The following IKZF2 variants were observed in gnomAD, a reference collection of about 807,000 sequenced individuals.
The protein encoded by IKZF2 is IKAROS family zinc finger 2.
In IKZF2, 15 loss-of-function variants were observed where a neutral mutation model predicts 49.2. The ratio of observed to expected loss-of-function variants is 0.30; its 90% CI spans 0.20 to 0.47. The LOEUF is 0.47. Ranked by LOEUF, IKZF2 falls within the 20% of genes least tolerant of loss-of-function variation. The pLI is 1.00. For missense variants in IKZF2, 567 were observed against 664.6 expected (o/e 0.85, Z 1.61); for synonymous variants, 227 against 221.4 (o/e 1.03, Z -0.23).
At chr2:213,027,282 A>G (rs1314295205) in intron 6 of IKZF2, among the ~76,000 whole-genome samples, 1 of 152,168 alleles carries the variant, frequency 6.6e-6, no homozygotes, top group Admixed American at 6.6e-5. Context: ...TAGTATAGAA[A>G]TGGAAATTTC....
chr2:213,054,385 T>G (rs928758239), intron 5 of IKZF2, among the ~76,000 whole-genome samples: 1 of 152,150 alleles, frequency 6.6e-6, no homozygotes, highest in Non-Finnish European at 1.5e-5. Flanking sequence ...AAATGCAGAC[T>G]AGTTCATGGT....
chr2:213,083,551 C>CTTTTTTT (rs35297007), intron 4 of IKZF2, among the ~76,000 whole-genome samples: 57 of 93,908 alleles, frequency 6.1e-4, no homozygotes, highest in African/African-American at 1.8e-3. Flanking sequence ...ACCAGGCTAA[C>CTTTTTTT]TTTTTTTTTT....
At chr2:213,093,326 G>A (rs1197472842) in intron 4 of IKZF2, among the ~76,000 whole-genome samples, 1 of 151,998 alleles carries the variant, frequency 6.6e-6, no homozygotes, top group East Asian at 1.9e-4. Context: ...TCCATAGCAG[G>A]CTCACAGGCC....
At chr2:213,074,462 A>C (rs564767338) in intron 4 of IKZF2, among the ~76,000 whole-genome samples, 2 of 152,282 alleles carry the variant, frequency 1.3e-5, no homozygotes, top group South Asian at 4.1e-4. Context: ...CCTATTTATA[A>C]TATTATGGCA....
At position 213,008,097 on chromosome 2, in the gene IKZF2, G is replaced by C; in HGVS notation, c.857-13C>G. 5.8e-6 allele frequency: 9 copies of C among 1,552,712 alleles called. No individual in the cohort carries two copies. Among genetic ancestry groups the C allele is most frequent in the Non-Finnish European group, 7.8e-6 (9 of 1,154,482 alleles). On this transcript the variant is annotated splice_polypyrimidine_tract_variant and intron_variant, in intron 8 of 8. Transcript: ENST00000434687. Reference sequence around the variant, plus strand: ...ATGAGCTTTTCCCCTGGAAGGGAGTGGGAGGTGAAAGAAGTAAAAAAAAAA... The same window carrying C: ...ATGAGCTTTTCCCCTGGAAGGGAGTCGGAGGTGAAAGAAGTAAAAAAAAAA...
rs866682812 is a variant in IKZF2, at chr2:213,027,860, G to A, written c.575-5730C>T. Among the ~76,000 whole-genome samples, 7 of 152,086 alleles carry A rather than the reference G, an allele frequency of 4.6e-5. No homozygotes were observed. The South Asian group carries it at 6.2e-4, about 14-fold the overall frequency. ...TGTTCTGAAATTCTGAAATATGAGC[G>A]TATGTCTCTGGTCTAAAGTCTCTAA... On this transcript the variant is annotated intron_variant, in intron 6 of 8. Coordinates refer to ENST00000434687, the MANE Select transcript of IKZF2 (RefSeq NM_001387220.1).
chr2:213,123,469 G>A (rs547168123), intron 4 of IKZF2, among the ~76,000 whole-genome samples: 5 of 151,936 alleles, frequency 3.3e-5, no homozygotes, highest in African/African-American at 7.3e-5. Flanking sequence ...TTGAATTGTC[G>A]AATAAAAGAC....
chr2:213,025,923 T>C (rs1697767878), intron 6 of IKZF2, among the ~76,000 whole-genome samples: 1 of 152,110 alleles, frequency 6.6e-6, no homozygotes, highest in African/African-American at 2.4e-5. Flanking sequence ...TTCTTTTCAT[T>C]CTCACAATCA....
intron 5 of IKZF2, among the ~76,000 whole-genome samples, chr2:213,050,903 A>G (rs959613633): frequency 5.3e-5 from 8 of 152,110 alleles, no homozygotes; most frequent in African/African-American, 1.9e-4. Flanking sequence ...AAATTCAAAT[A>G]TAAGTAAACA....
At chr2:213,140,904 C>A (rs954002372) in intron 4 of IKZF2, among the ~76,000 whole-genome samples, 13 of 151,918 alleles carry the variant, frequency 8.6e-5, no homozygotes, top group African/African-American at 3.1e-4. Context: ...AGAAAAGTAA[C>A]CAAACCATGG....
chr2:213,012,363 T>G (rs1696058524), intron 8 of IKZF2, among the ~76,000 whole-genome samples: 1 of 151,306 alleles, frequency 6.6e-6, no homozygotes, highest in Non-Finnish European at 1.5e-5. Flanking sequence ...TTACAAAGAG[T>G]AGACTATATA....
Position 213,007,115 on chromosome 2 carries a change from C to A in IKZF2, c.*245G>T. The A allele has an allele frequency of 2.5e-6, 1 of 395,146 alleles. No homozygotes were observed. The highest frequency in any genetic ancestry group is 4.5e-6 in the Non-Finnish European group (1 of 222,924). The allele number at this position is 395,146 out of a possible 1,614,324, so 24.5% of individuals were successfully genotyped here. On this transcript the variant is annotated 3_prime_UTR_variant, in exon 9 of 9. Transcript: ENST00000434687. ...GTAGAAATGGACTGCTCTTAAATTCCCACAAAATAAACAAGCCAGGTGATA... is the reference window on the plus strand; with the variant it reads ...GTAGAAATGGACTGCTCTTAAATTCACACAAAATAAACAAGCCAGGTGATA...
In IKZF2 at chr2:213,001,863, T is replaced by C. The variant is rs1694933678; in HGVS notation, c.*5497A>G. ...TGTAAAAAATTTTTAAATCACAGTTTCAGAATTTGAACTACTTAAAAAAAA... is the reference window on the plus strand; with the variant it reads ...TGTAAAAAATTTTTAAATCACAGTTCCAGAATTTGAACTACTTAAAAAAAA... On this transcript the variant is annotated 3_prime_UTR_variant, in exon 9 of 9. Coordinates refer to ENST00000434687, the MANE Select transcript of IKZF2 (RefSeq NM_001387220.1). 6.6e-6 allele frequency: 1 copy of C among 151,958 alleles called. No individual in the cohort carries two copies. Among genetic ancestry groups the C allele is most frequent in the East Asian group, 1.9e-4 (1 of 5,162 alleles). 9.4% of individuals were successfully genotyped at this position (151,958 alleles called of 1,614,324 possible).
intron 5 of IKZF2, among the ~76,000 whole-genome samples, chr2:213,052,094 C>T (rs1049472520): frequency 2.6e-5 from 4 of 151,914 alleles, no homozygotes; most frequent in East Asian, 3.9e-4. Context: ...GAGTTTTATG[C>T]GATTAATGAA....
At chr2:213,055,242 AT>A (rs1174228024) in intron 5 of IKZF2, among the ~76,000 whole-genome samples, 1 of 152,072 alleles carries the variant, frequency 6.6e-6, no homozygotes, top group East Asian at 1.9e-4. Context: ...TGAATATATT[AT>A]AACTTTGTGG....
At chr2:213,075,687 G>C (rs1291836103) in intron 4 of IKZF2, among the ~76,000 whole-genome samples, 1 of 152,024 alleles carries the variant, frequency 6.6e-6, no homozygotes, top group Non-Finnish European at 1.5e-5. Context: ...TTCATTAATT[G>C]ATATATACTG....
In IKZF2 at chr2:213,088,378, T is replaced by C. The variant is rs186556298; in HGVS notation, c.140-31279A>G. Among the ~76,000 whole-genome samples, 394 of 152,324 alleles carry C rather than the reference T, an allele frequency of 2.6e-3. 1 individual carries two copies. Among genetic ancestry groups the C allele is most frequent in the African/African-American group, 9.0e-3 (375 of 41,574 alleles). On this transcript the variant is annotated intron_variant, in intron 4 of 8. Transcript: ENST00000434687. ...GTTTGATTTTTTTCTTGTAAATTTG[T>C]TTAAGTTCTTTGTAGATTCTGGATA...
chr2:213,065,783 C>T (rs907042254), intron 4 of IKZF2, among the ~76,000 whole-genome samples: 11 of 151,962 alleles, frequency 7.2e-5, no homozygotes, highest in African/African-American at 2.7e-4. Context: ...CAAATTCTTG[C>T]TATTTCCCTA....
chr2:213,117,331 A>G (rs2125810694), intron 4 of IKZF2, among the ~76,000 whole-genome samples: 1 of 152,320 alleles, frequency 6.6e-6, no homozygotes, highest in Middle Eastern at 3.4e-3. Context: ...AAAGCTTAAT[A>G]TCATTTAATT....
Sources: allele counts gnomAD v4.1 joint callset (sites outside exome capture counted in the v4.1 genomes callset), GRCh38; gene constraint gnomAD v4.1.1; transcripts MANE v1.5; gene names NCBI Gene and HGNC (gene_info 2026-07-23, HGNC 2026-07-21).